Variants in BLOC1S5 observed in about 807,000 individuals in gnomAD.
BLOC1S5 encodes the protein biogenesis of lysosomal organelles complex 1 subunit 5, also known as biogenesis of lysosome-related organelles complex 1 subunit 5.
BLOC1S5 carries 27 observed loss-of-function variants against 24.3 expected under a neutral mutation model. That is an observed-to-expected ratio of 1.11 (90% CI 0.82 to 1.53). The LOEUF is 1.53. BLOC1S5 is among the 40% of genes most tolerant of loss of function. The pLI, the probability that BLOC1S5 is intolerant of heterozygous loss-of-function variation, is 0.00. For missense variants in BLOC1S5, 239 were observed against 229.4 expected, an observed-to-expected ratio of 1.04 and a Z score of -0.27; for synonymous variants, 84 against 74.5, an observed-to-expected ratio of 1.13 and a Z score of -0.66.
chr6:8,053,654 G>A (rs990604567), intron 2 of BLOC1S5, among the ~76,000 whole-genome samples: 7 of 152,218 alleles, frequency 4.6e-5, no homozygotes, highest in Admixed American at 1.3e-4. Context: ...CAATATTCAC[G>A]TCATTGCAGA....
rs1185441614 is a variant in BLOC1S5 at position 8,015,822 on chromosome 6, T to C, written c.391A>G (p.Ser131Gly). 8.8e-6 allele frequency: 14 copies of C among 1,596,856 alleles called. No homozygotes were observed. Among genetic ancestry groups the C allele is most frequent in the Non-Finnish European group, 1.2e-5 (14 of 1,175,168 alleles). Reference protein sequence around the residue: ...QREQERKKIHSDHLVASEKQH... With the variant: ...QREQERKKIHGDHLVASEKQH... ...TTCTCACTAGCTACTAAGTGGTCACTATGAATCTGAGAAAAGAAAATTAGA... is the reference window on the plus strand; with the variant it reads ...TTCTCACTAGCTACTAAGTGGTCACCATGAATCTGAGAAAAGAAAATTAGA... The change falls in exon 5 of 5, where the codon AGT becomes GGT. Residue 131 changes from serine to glycine, a missense_variant. By Grantham distance (56) the Ser-to-Gly change is moderately conservative. Coordinates refer to ENST00000397457, the MANE Select transcript of BLOC1S5 (RefSeq NM_201280.3).
chr6:8,022,248 T>C (rs1290891179), intron 4 of BLOC1S5, among the ~76,000 whole-genome samples: 1 of 149,086 alleles, frequency 6.7e-6, no homozygotes, highest in African/African-American at 2.5e-5. Context: ...TGGCATCTAG[T>C]AGGCAGAGGT....
intron 2 of BLOC1S5, among the ~76,000 whole-genome samples, chr6:8,058,339 G>A (rs980877574): frequency 1.7e-5 from 2 of 119,486 alleles, no homozygotes; most frequent in African/African-American, 6.1e-5. Flanking sequence ...GGGCAACACA[G>A]TGAGACCCTG....
intron 2 of BLOC1S5, among the ~76,000 whole-genome samples, chr6:8,059,710 G>A (rs533033259): frequency 6.6e-6 from 1 of 152,226 alleles, no homozygotes; most frequent in African/African-American, 2.4e-5. Context: ...AGGCATTTGA[G>A]CCTGAAGTTG....
At chr6:8,061,430 A>G (rs13196747) in intron 2 of BLOC1S5, among the ~76,000 whole-genome samples, 21,009 of 152,200 alleles carry the variant, frequency 0.14, 1,772 homozygotes, top group South Asian at 0.27. Context: ...AACTGAACCA[A>G]TTACACATGT....
intron 2 of BLOC1S5, chr6:8,054,379 GTAAA>G (rs1269052941): frequency 1.9e-5 from 7 of 369,224 alleles, no homozygotes; most frequent in Admixed American, 3.9e-5. Flanking sequence ...CATTCTGTAA[GTAAA>G]TATATATTGA....
intron 2 of BLOC1S5, among the ~76,000 whole-genome samples, chr6:8,059,915 G>C (rs112241292): frequency 6.6e-6 from 1 of 152,224 alleles, no homozygotes; most frequent in African/African-American, 2.4e-5. Flanking sequence ...CCGTAAGAAC[G>C]AAGGGTGGGA....
chr6:8,014,061 A>G lies in BLOC1S5; in HGVS notation c.*1588T>C, dbSNP rs1292401109. ...CTTTGACAGTAAGCCATACATTTAC[A>G]CAGGCAGGCATTGTCAATTTTCTGC... On this transcript the variant is annotated 3_prime_UTR_variant, in exon 5 of 5. Transcript: ENST00000397457. The G allele has an allele frequency of 6.6e-6, 1 of 152,206 alleles. No individual in the cohort carries two copies. The highest frequency in any genetic ancestry group is 2.4e-5 in the African/African-American group (1 of 41,456). 9.4% of individuals were successfully genotyped at this position (152,206 alleles called of 1,614,324 possible).
At chr6:8,040,267 T>G (rs562561660) in intron 3 of BLOC1S5, among the ~76,000 whole-genome samples, 1 of 152,282 alleles carries the variant, frequency 6.6e-6, no homozygotes, top group East Asian at 1.9e-4. Context: ...ATGATAAACA[T>G]TTATCTTACT....
Position 8,064,298 on chromosome 6 carries a change from C to A in BLOC1S5, c.79G>T (p.Gly27Trp), listed in dbSNP as rs779203669. ...ATGAGGTGCGCTGAGCCCGCAGTCCCCAGGGAGTCCCTCTTCTTGCTGCCA... is the reference window on the plus strand; with the variant it reads ...ATGAGGTGCGCTGAGCCCGCAGTCCACAGGGAGTCCCTCTTCTTGCTGCCA... ...GGGSKKRDSL[G>W]TAGSAHLIIK... The change falls in exon 1 of 5, where the codon GGG (glycine) becomes TGG (tryptophan). Residue 27 changes from glycine to tryptophan, a missense_variant. Physicochemically the swap from Gly to Trp is radical, Grantham distance 184. Coordinates refer to ENST00000397457, the MANE Select transcript of BLOC1S5 (RefSeq NM_201280.3). The A allele has an allele frequency of 3.1e-6, 5 of 1,613,814 alleles. No homozygotes were observed. In the Admixed American group the frequency reaches 8.3e-5, roughly 27 times the overall value.
intron 2 of BLOC1S5, among the ~76,000 whole-genome samples, chr6:8,056,502 G>A (rs544779604): frequency 3.0e-4 from 46 of 152,254 alleles, no homozygotes; most frequent in African/African-American, 8.7e-4. Flanking sequence ...CTATGCCCCC[G>A]CCACTGCCAC....
chr6:8,050,657 C>T (rs1281898256), intron 2 of BLOC1S5, among the ~76,000 whole-genome samples: 9 of 149,916 alleles, frequency 6.0e-5, no homozygotes, highest in Admixed American at 1.3e-4. Context: ...GGATGGAGTG[C>T]GGCGGTGTGA....
At chr6:8,025,607 T>A (rs916076905) in intron 4 of BLOC1S5, among the ~76,000 whole-genome samples, 3 of 152,334 alleles carry the variant, frequency 2.0e-5, no homozygotes, top group East Asian at 1.9e-4. Context: ...CTGAGAAGGT[T>A]CATTCCATTA....
chr6:8,046,714 T>A (rs75953582), intron 2 of BLOC1S5, among the ~76,000 whole-genome samples: 2 of 152,100 alleles, frequency 1.3e-5, no homozygotes, highest in Non-Finnish European at 2.9e-5. Context: ...TTGAAGCAAA[T>A]CCTAGAAAGT....
In BLOC1S5 at chr6:8,032,217, C is replaced by T. The variant is rs151022313; in HGVS notation, c.326-5792G>A. Among the ~76,000 whole-genome samples, 847 of 152,098 alleles carry T rather than the reference C, an allele frequency of 5.6e-3. 2 individuals carry two copies. The highest frequency in any genetic ancestry group is 9.5e-3 in the Non-Finnish European group (647 of 67,994). On this transcript the variant is annotated intron_variant, in intron 3 of 4. Coordinates refer to ENST00000397457, the MANE Select transcript of BLOC1S5 (RefSeq NM_201280.3). ...AGAAAATCTTCGCAAACTATGCATC[C>T]CACAAAAGACTAATATGCAGAGTCT...
intron 4 of BLOC1S5, among the ~76,000 whole-genome samples, chr6:8,022,814 G>A (rs1762970281): frequency 1.3e-5 from 2 of 150,862 alleles, no homozygotes; most frequent in Non-Finnish European, 2.9e-5. Context: ...TCGATCTCCT[G>A]ACCTCGTGAT....
At chr6:8,044,878 G>A (rs763058749) in intron 2 of BLOC1S5, among the ~76,000 whole-genome samples, 16 of 152,204 alleles carry the variant, frequency 1.1e-4, no homozygotes, top group Non-Finnish European at 1.9e-4. Context: ...TATAAGGTAA[G>A]CGGAGCATAA....
chr6:8,018,437 T>C (rs928124407), intron 4 of BLOC1S5, among the ~76,000 whole-genome samples: 1 of 152,252 alleles, frequency 6.6e-6, no homozygotes, highest in Non-Finnish European at 1.5e-5. Context: ...TCTTTGTAAA[T>C]GGAAAGTCAT....
rs1473142402 is a variant in BLOC1S5, at chr6:8,034,962, C to A, written c.325+6177G>T. ...ATATATATACACATATGCATACACA[C>A]ACACACACACATACACATATACACA... On this transcript the variant is annotated intron_variant, in intron 3 of 4. Transcript: ENST00000397457. Among the ~76,000 whole-genome samples the A allele has an allele frequency of 5.3e-5, 8 of 151,738 alleles. No homozygotes were observed. In the East Asian group the frequency reaches 1.5e-3, roughly 29 times the overall value.
Sources: gnomAD v4.1 joint callset for allele counts (sites outside exome capture counted in the v4.1 genomes callset) on GRCh38, gnomAD v4.1.1 for gene constraint, MANE v1.5 for transcripts, NCBI Gene and HGNC (gene_info 2026-07-23, HGNC 2026-07-21) for gene names.